Variants in ZNF423 observed in about 807,000 individuals in gnomAD.
ZNF423 encodes zinc finger protein 423.
Under a neutral mutation model 95.8 loss-of-function variants are expected in ZNF423, and 12 were observed. That is an observed-to-expected ratio of 0.13 (90% CI 0.08 to 0.20). ZNF423 has a LOEUF of 0.20. Among genes scored for constraint, ZNF423 ranks in the 10% least tolerant of loss-of-function variants. The probability of loss-of-function intolerance (pLI) is 1.00; values close to 1 mark genes in which losing one functional copy is unlikely to be tolerated. For synonymous variants in ZNF423, 749 were observed against 711.9 expected (o/e 1.05, Z -0.83); for missense variants, 1,316 against 1,737.1 (o/e 0.76, Z 4.31).
chr16:49,660,159 A>G (rs923635148), intron 3 of ZNF423, among the ~76,000 whole-genome samples: 1 of 152,148 alleles, frequency 6.6e-6, no homozygotes, highest in Non-Finnish European at 1.5e-5. Flanking sequence ...GGATCCCTGG[A>G]TCCCTGGGAG....
intron 5 of ZNF423, among the ~76,000 whole-genome samples, chr16:49,561,047 T>C (rs1970001859): frequency 6.6e-6 from 1 of 152,256 alleles, no homozygotes; most frequent in Non-Finnish European, 1.5e-5. Context: ...ATAGCATTTA[T>C]GTCTCCTTTC....
intron 5 of ZNF423, among the ~76,000 whole-genome samples, chr16:49,584,353 C>T (rs554983935): frequency 2.7e-4 from 41 of 152,300 alleles, no homozygotes; most frequent in East Asian, 9.7e-4. Flanking sequence ...CTACTGCCTA[C>T]GCTTAGGGCA....
In ZNF423 at chr16:49,785,874, G is replaced by A. The variant is rs901380978; in HGVS notation, c.100+3613C>T. ...ATGGCCTGGCAAGGCAGGAGAAGTT[G>A]GGGTTGGCAGGAGAAGAAGAATGAC... On this transcript the variant is annotated intron_variant, in intron 2 of 7. Transcript: ENST00000563137. Among the ~76,000 whole-genome samples the A allele has an allele frequency of 5.9e-5, 9 of 152,242 alleles. No individual in the cohort carries two copies. In the East Asian group the frequency reaches 1.7e-3, roughly 29 times the overall value.
intron 3 of ZNF423, chr16:49,640,591 C>A (rs900570310): frequency 4.6e-5 from 7 of 151,464 alleles, no homozygotes; most frequent in Non-Finnish European, 7.4e-5. Flanking sequence ...CCCGCCCCCA[C>A]CCCCTGGCCC....
At chr16:49,641,039 T>A (rs1972958987) in intron 3 of ZNF423, among the ~76,000 whole-genome samples, 1 of 152,194 alleles carries the variant, frequency 6.6e-6, no homozygotes, top group Non-Finnish European at 1.5e-5. Flanking sequence ...TGGCTTCTTA[T>A]TATTTTGATG....
At chr16:49,710,913 T>A (rs1426288252) in intron 3 of ZNF423, among the ~76,000 whole-genome samples, 1 of 152,112 alleles carries the variant, frequency 6.6e-6, no homozygotes, top group East Asian at 1.9e-4. Flanking sequence ...CTTGGGGACA[T>A]GGGGCTCAGA....
intron 3 of ZNF423, among the ~76,000 whole-genome samples, chr16:49,639,241 T>C (rs1027166578): frequency 2.6e-5 from 4 of 152,162 alleles, no homozygotes; most frequent in South Asian, 2.1e-4. Context: ...ACCAGTCCCA[T>C]AGGCCAAAAG....
At chr16:49,661,621 A>T (rs1487276165) in intron 3 of ZNF423, among the ~76,000 whole-genome samples, 1 of 152,192 alleles carries the variant, frequency 6.6e-6, no homozygotes, top group African/African-American at 2.4e-5. Flanking sequence ...TCATCTTGGG[A>T]AACACCTCGC....
chr16:49,738,023 C>A (rs765657513), intron 2 of ZNF423, among the ~76,000 whole-genome samples: 1 of 152,206 alleles, frequency 6.6e-6, no homozygotes, highest in Non-Finnish European at 1.5e-5. Flanking sequence ...CCTCCATGCA[C>A]CCGAGACAGA....
chr16:49,778,979 G>A (rs2034166180), intron 2 of ZNF423, among the ~76,000 whole-genome samples: 1 of 152,160 alleles, frequency 6.6e-6, no homozygotes, highest in South Asian at 2.1e-4. Flanking sequence ...GGGAGGTTTA[G>A]TAACTTACTC....
chr16:49,716,179 T>C (rs2032701300), intron 3 of ZNF423, among the ~76,000 whole-genome samples: 1 of 152,008 alleles, frequency 6.6e-6, no homozygotes, highest in African/African-American at 2.4e-5. Context: ...ATGCCAGCCA[T>C]TGCCCCTCCC....
intron 5 of ZNF423, among the ~76,000 whole-genome samples, chr16:49,590,277 G>T (rs1011982240): frequency 6.6e-6 from 1 of 151,994 alleles, no homozygotes; most frequent in Non-Finnish European, 1.5e-5. Context: ...GCTGCGGGCA[G>T]CACCTCCTGA....
At chr16:49,852,554 C>T (rs12935139) in intron 1 of ZNF423, among the ~76,000 whole-genome samples, 2 of 151,728 alleles carry the variant, frequency 1.3e-5, no homozygotes, top group Non-Finnish European at 2.9e-5. Flanking sequence ...GAGAACAGCC[C>T]GGGAAAATGA....
At chr16:49,768,091 A>T (rs1327079176) in intron 2 of ZNF423, among the ~76,000 whole-genome samples, 1 of 152,178 alleles carries the variant, frequency 6.6e-6, no homozygotes, top group African/African-American at 2.4e-5. Flanking sequence ...CGGCTGGCCC[A>T]CTTCCGCAGG....
At chr16:49,538,561 A>C (rs1969137191) in intron 5 of ZNF423, among the ~76,000 whole-genome samples, 1 of 152,138 alleles carries the variant, frequency 6.6e-6, no homozygotes. Flanking sequence ...AAGAACCTGC[A>C]GTGGCTCCCT....
intron 5 of ZNF423, among the ~76,000 whole-genome samples, chr16:49,556,336 C>A (rs1174855689): frequency 6.6e-6 from 1 of 152,196 alleles, no homozygotes; most frequent in African/African-American, 2.4e-5. Flanking sequence ...TTCTCCAAAG[C>A]CCTCCCTCTC....
At position 49,626,189 on chromosome 16, in the gene ZNF423, G is replaced by A. The variant is rs149068296; in HGVS notation, c.3582C>T (p.His1194=). The change falls in exon 5 of 8, where the codon CAC becomes CAT. Residue 1194 remains histidine (H), a synonymous_variant. Transcript: ENST00000563137. ...TCTTACCAATCATGTGGTTGGCAACGTGGATTTGGATCTCTCTCTCGTTCT... is the reference window on the plus strand; with the variant it reads ...TCTTACCAATCATGTGGTTGGCAACATGGATTTGGATCTCTCTCTCGTTCT... The part of the protein sequence containing the change: ...TFENEREIQI[H]VANHMIEEGI... The A allele has an allele frequency of 6.8e-5, 110 of 1,614,026 alleles. 1 individual carries two copies. Among genetic ancestry groups the A allele is most frequent in the South Asian group, 3.2e-4 (29 of 91,070 alleles).
Position 49,649,333 on chromosome 16 carries a change from G to A in ZNF423, c.302-10459C>T, listed in dbSNP as rs184159208. 2.0e-4 allele frequency among the ~76,000 whole-genome samples: 31 copies of A among 152,174 alleles called. No individual in the cohort carries two copies. In the East Asian group the frequency reaches 5.2e-3, roughly 26 times the overall value. The stretch of plus-strand genomic sequence containing the variant: ...CCCCATCTCTTGATAGAGAGAATCC[G>A]ACGAACAGGTCTCTAAGAGGCTTTG... On this transcript the variant is annotated intron_variant, in intron 3 of 7. Transcript: ENST00000563137.
intron 2 of ZNF423, among the ~76,000 whole-genome samples, chr16:49,765,481 C>T (rs2033913476): frequency 6.6e-6 from 1 of 152,066 alleles, no homozygotes; most frequent in African/African-American, 2.4e-5. Flanking sequence ...GAGGCCAAGG[C>T]AGGAGGATTT....
Sources: gnomAD v4.1 joint callset for allele counts (sites outside exome capture counted in the v4.1 genomes callset) on GRCh38, gnomAD v4.1.1 for gene constraint, MANE v1.5 for transcripts, NCBI Gene and HGNC (gene_info 2026-07-23, HGNC 2026-07-21) for gene names.